PTPRN2: variants seen among roughly 807,000 people sequenced by gnomAD.
The protein encoded by PTPRN2 is protein tyrosine phosphatase receptor type N2.
A neutral mutation model predicts 118.8 loss-of-function variants in PTPRN2; 74 were observed. That is an observed-to-expected ratio of 0.62 (90% CI 0.52 to 0.76). The LOEUF is 0.76. Among genes scored for constraint, PTPRN2 ranks in the 30% least tolerant of loss-of-function variants. The pLI, the probability that PTPRN2 is intolerant of heterozygous loss-of-function variation, is 0.00. For synonymous variants in PTPRN2, 641 were observed against 608.0 expected (o/e 1.05, Z -0.80); for missense variants, 1,481 against 1,394.4 (o/e 1.06, Z -0.99).
intron 6 of PTPRN2, among the ~76,000 whole-genome samples, chr7:158,146,950 CT>C (rs1563510319): frequency 7.2e-6 from 1 of 138,482 alleles, no homozygotes; most frequent in Non-Finnish European, 1.6e-5. Flanking sequence ...GTCTTTCCCC[CT>C]CAATGACACC....
intron 11 of PTPRN2, among the ~76,000 whole-genome samples, chr7:158,071,208 CGTGGTGGTGGAGGTGCCCGTG>C (rs1232287634): frequency 2.8e-4 from 9 of 31,918 alleles, no homozygotes; most frequent in Non-Finnish European, 3.4e-4. Flanking sequence ...TGGAGGTGCT[CGTGGTGGTGGAGGTGCCCGTG>C]GTGGTGGAGG....
At chr7:158,299,995 A>G (rs1800772285) in intron 3 of PTPRN2, among the ~76,000 whole-genome samples, 1 of 152,208 alleles carries the variant, frequency 6.6e-6, no homozygotes, top group Non-Finnish European at 1.5e-5. Context: ...CAGAGCAGGC[A>G]AAACGAGCAC....
chr7:157,778,173 G>A (rs1803449391), intron 12 of PTPRN2, among the ~76,000 whole-genome samples: 1 of 152,228 alleles, frequency 6.6e-6, no homozygotes, highest in African/African-American at 2.4e-5. Context: ...AAGTGAGGAA[G>A]GCAACTGACC....
At chr7:158,510,456 CTCT>C (rs1823096061) in intron 1 of PTPRN2, among the ~76,000 whole-genome samples, 1 of 149,546 alleles carries the variant, frequency 6.7e-6, no homozygotes, top group Non-Finnish European at 1.5e-5. Flanking sequence ...CTCTCTCTCT[CTCT>C]CTCTCTCTCT....
chr7:157,941,528 C>T (rs531902871), intron 11 of PTPRN2, among the ~76,000 whole-genome samples: 10 of 152,060 alleles, frequency 6.6e-5, no homozygotes, highest in African/African-American at 1.4e-4. Context: ...ACACTGCAAG[C>T]GATTCTTCAG....
intron 12 of PTPRN2, among the ~76,000 whole-genome samples, chr7:157,872,332 C>T (rs796358030): frequency 5.2e-4 from 63 of 121,272 alleles, no homozygotes; most frequent in African/African-American, 1.6e-3. Flanking sequence ...CACACCCATA[C>T]CCAGTGTCCT....
chr7:158,490,389 C>T (rs1028797682), intron 1 of PTPRN2, among the ~76,000 whole-genome samples: 3 of 152,198 alleles, frequency 2.0e-5, no homozygotes, highest in African/African-American at 7.2e-5. Context: ...GGAGGAGACG[C>T]GGGGCAGAGG....
At chr7:157,666,515 AC>A (rs34053686) in intron 13 of PTPRN2, among the ~76,000 whole-genome samples, 55,725 of 149,570 alleles carry the variant, frequency 0.37, 11,390 homozygotes, top group Non-Finnish European at 0.48. Context: ...AAAAAAAAAA[AC>A]CCCACAGTAG....
At chr7:157,795,241 C>G (rs527886439) in intron 12 of PTPRN2, among the ~76,000 whole-genome samples, 3 of 151,444 alleles carry the variant, frequency 2.0e-5, no homozygotes, top group Admixed American at 2.0e-4. Context: ...AAGCTCAAAG[C>G]CCCCTCACCT....
At chr7:158,101,148 C>T (rs2150346760) in intron 10 of PTPRN2, among the ~76,000 whole-genome samples, 1 of 152,288 alleles carries the variant, frequency 6.6e-6, no homozygotes, top group South Asian at 2.1e-4. Flanking sequence ...GTCACCAAAA[C>T]AGCATGGTAC....
intron 1 of PTPRN2, chr7:158,532,917 T>G: frequency 2.2e-6 from 1 of 457,518 alleles, no homozygotes. Context: ...CCACACCTGC[T>G]CCCTCCTGAC....
At chr7:157,705,631 T>C (rs1281186400) in intron 12 of PTPRN2, among the ~76,000 whole-genome samples, 303 of 81,308 alleles carry the variant, frequency 3.7e-3, no homozygotes, top group African/African-American at 5.4e-3. Context: ...GAATCTGACC[T>C]CAGTGCCTTC....
Position 158,203,103 on chromosome 7 carries a change from G to A in PTPRN2, c.380+2068C>T, listed in dbSNP as rs185175653. ...AAAAATTAGCTGGGTATGGTGGCGC[G>A]CACCTGTAGTCCCAGCTACTCAGGA... On this transcript the variant is annotated intron_variant, in intron 4 of 22. Coordinates refer to ENST00000389418, the MANE Select transcript of PTPRN2 (RefSeq NM_002847.5). Among the ~76,000 whole-genome samples the A allele has an allele frequency of 1.5e-3, 229 of 151,706 alleles. 1 individual carries two copies. Among genetic ancestry groups the A allele is most frequent in the African/African-American group, 5.0e-3 (208 of 41,350 alleles).
intron 9 of PTPRN2, among the ~76,000 whole-genome samples, chr7:158,133,352 C>T (rs904668456): frequency 9.2e-5 from 14 of 152,180 alleles, no homozygotes; most frequent in Non-Finnish European, 1.5e-4. Context: ...GAAGGTGATT[C>T]TGACCCGCAG....
intron 11 of PTPRN2, among the ~76,000 whole-genome samples, chr7:158,014,345 A>G (rs116413550): frequency 0.01 from 1,514 of 149,280 alleles, 30 homozygotes; most frequent in African/African-American, 0.036. Flanking sequence ...TTCAGCATCC[A>G]TCTACCCACA....
chr7:158,029,428 G>A (rs1807525445), intron 11 of PTPRN2: 1 of 152,198 alleles, frequency 6.6e-6, no homozygotes, highest in African/African-American at 2.4e-5. Context: ...ATCTCTGCAG[G>A]CCGCCTGAAG....
At chr7:158,386,285 A>G (rs1232209384) in intron 2 of PTPRN2, among the ~76,000 whole-genome samples, 7 of 76,444 alleles carry the variant, frequency 9.2e-5, no homozygotes, top group African/African-American at 2.1e-4. Flanking sequence ...CCCGTGCCCC[A>G]AGTCCCTCCT....
At chr7:157,789,541 T>A (rs1229644754) in intron 12 of PTPRN2, among the ~76,000 whole-genome samples, 1 of 152,256 alleles carries the variant, frequency 6.6e-6, no homozygotes, top group East Asian at 1.9e-4. Flanking sequence ...TCAAAAGTGT[T>A]ACCTGACAAC....
chr7:158,150,836 C>T (rs901626474), intron 6 of PTPRN2, among the ~76,000 whole-genome samples: 2 of 152,054 alleles, frequency 1.3e-5, no homozygotes. Flanking sequence ...TGGTTGCACC[C>T]CAGCCACTCT....
Sources: allele counts gnomAD v4.1 joint callset (sites outside exome capture counted in the v4.1 genomes callset), GRCh38; gene constraint gnomAD v4.1.1; transcripts MANE v1.5; gene names NCBI Gene and HGNC (gene_info 2026-07-23, HGNC 2026-07-21).